Variants in PALM2AKAP2 observed in about 807,000 individuals in gnomAD.
The protein encoded by PALM2AKAP2 is PALM2-AKAP2 fusion protein.
Under a neutral mutation model 71.5 loss-of-function variants are expected in PALM2AKAP2, and 37 were observed. The observed-to-expected ratio is 0.52, with a 90% confidence interval of 0.40 to 0.68. The LOEUF (loss-of-function observed/expected upper bound fraction) is 0.68. Ranked by LOEUF, PALM2AKAP2 falls within the 30% of genes least tolerant of loss-of-function variation. The pLI is 0.00. For missense variants in PALM2AKAP2, 1,224 were observed against 1,191.8 expected, an observed-to-expected ratio of 1.03 and a Z score of -0.40; for synonymous variants, 468 against 478.8, an observed-to-expected ratio of 0.98 and a Z score of 0.29.
intron 1 of PALM2AKAP2, among the ~76,000 whole-genome samples, chr9:109,710,345 A>T (rs1306975341): frequency 2.0e-5 from 3 of 152,264 alleles, no homozygotes; most frequent in Non-Finnish European, 4.4e-5. Context: ...CCTGCCCAGC[A>T]GTCTGGTTTC....
At chr9:109,942,508 G>A (rs1377424745) in intron 6 of PALM2AKAP2, among the ~76,000 whole-genome samples, 1 of 152,176 alleles carries the variant, frequency 6.6e-6, no homozygotes, top group East Asian at 1.9e-4. Flanking sequence ...AAACTGCTGT[G>A]TTACAATACA....
At chr9:109,901,162 G>A (rs1830323256) in intron 3 of PALM2AKAP2, among the ~76,000 whole-genome samples, 2 of 152,158 alleles carry the variant, frequency 1.3e-5, no homozygotes, top group Non-Finnish European at 2.9e-5. Context: ...CTCCAGAACT[G>A]GACCTGAGTT....
At chr9:109,693,331 A>T (rs1002862238) in intron 1 of PALM2AKAP2, among the ~76,000 whole-genome samples, 1 of 151,902 alleles carries the variant, frequency 6.6e-6, no homozygotes, top group African/African-American at 2.4e-5. Context: ...TTCACTGCTA[A>T]TATTGGTAAT....
At chr9:109,797,451 A>G (rs1046064883) in intron 1 of PALM2AKAP2, among the ~76,000 whole-genome samples, 1 of 152,186 alleles carries the variant, frequency 6.6e-6, no homozygotes, top group South Asian at 2.1e-4. Flanking sequence ...AGCATCCACA[A>G]ATTTCCAGCT....
chr9:109,928,479 C>A (rs1234668350), intron 5 of PALM2AKAP2, among the ~76,000 whole-genome samples: 2 of 152,120 alleles, frequency 1.3e-5, no homozygotes, highest in African/African-American at 4.8e-5. Context: ...AAGAGGGCAG[C>A]TTATTAATTG....
intron 5 of PALM2AKAP2, 41 bp downstream of exon 5, chr9:109,925,123 C>T (rs929071454): frequency 1.9e-6 from 3 of 1,613,362 alleles, no homozygotes; most frequent in African/African-American, 2.7e-5. Flanking sequence ...ATGTTTTAAT[C>T]CTGGTCAGCT....
chr9:110,138,837 C>A (rs1588131836), intron 2 of PALM2AKAP2, among the ~76,000 whole-genome samples: 1 of 152,318 alleles, frequency 6.6e-6, no homozygotes, highest in East Asian at 1.9e-4. Context: ...TACTTGAAAG[C>A]CTGCCTCTTG....
chr9:110,050,837 A>T (rs540520405), intron 1 of PALM2AKAP2, among the ~76,000 whole-genome samples: 1 of 152,322 alleles, frequency 6.6e-6, no homozygotes, highest in East Asian at 1.9e-4. Context: ...CATGTTGGCC[A>T]GGCTGGTCTT....
At chr9:110,133,396 A>AT (rs942972812) in intron 1 of PALM2AKAP2, among the ~76,000 whole-genome samples, 15 of 149,816 alleles carry the variant, frequency 1.0e-4, no homozygotes, top group African/African-American at 1.7e-4. Flanking sequence ...CAGAGAACTC[A>AT]TTTTTTTTTT....
At position 109,867,178 on chromosome 9, in the gene PALM2AKAP2, G is replaced by C. The variant is rs1004869421; in HGVS notation, c.46-313G>C. The C allele has an allele frequency of 1.4e-4, 60 of 423,576 alleles. No homozygotes were observed. The East Asian group carries it at 3.4e-3, about 24-fold the overall frequency. 26.2% of individuals were successfully genotyped at this position (423,576 alleles called of 1,614,324 possible). ...AACATGGTTCTCTGTGTGTGTGTGTGTGTGTGTGTGTGTGTGTGTGTGTGT... is the reference window on the plus strand; with the variant it reads ...AACATGGTTCTCTGTGTGTGTGTGTCTGTGTGTGTGTGTGTGTGTGTGTGT... On this transcript the variant is annotated intron_variant, in intron 1 of 9. Transcript: ENST00000302798.
chr9:109,692,390 T>C (rs948262244), intron 1 of PALM2AKAP2, among the ~76,000 whole-genome samples: 8 of 151,986 alleles, frequency 5.3e-5, no homozygotes, highest in African/African-American at 1.9e-4. Context: ...CATGTCATCA[T>C]TGAAAAATAT....
At chr9:109,982,341 G>A (rs1832288241) in intron 6 of PALM2AKAP2, among the ~76,000 whole-genome samples, 2 of 152,124 alleles carry the variant, frequency 1.3e-5, no homozygotes, top group South Asian at 2.1e-4. Context: ...TGGTTAATAA[G>A]TACAAAAATA....
intron 6 of PALM2AKAP2, among the ~76,000 whole-genome samples, chr9:109,991,297 C>T (rs910902296): frequency 2.6e-5 from 4 of 151,332 alleles, no homozygotes; most frequent in African/African-American, 4.9e-5. Flanking sequence ...AGTGTGGTGG[C>T]GTGATCACGG....
chr9:109,896,704 G>A (rs142157545), intron 3 of PALM2AKAP2, among the ~76,000 whole-genome samples: 3,297 of 152,192 alleles, frequency 0.022, 59 homozygotes, highest in Middle Eastern at 0.034. Context: ...CCAGCTACTC[G>A]GGAGGCTGAG....
At chr9:109,642,493 G>A (rs774696317) in intron 1 of PALM2AKAP2, among the ~76,000 whole-genome samples, 6 of 145,898 alleles carry the variant, frequency 4.1e-5, no homozygotes, top group South Asian at 2.6e-4. Context: ...GGCAAAAACC[G>A]CAAATTACTG....
intron 1 of PALM2AKAP2, among the ~76,000 whole-genome samples, chr9:109,646,198 A>T (rs1246112253): frequency 6.6e-6 from 1 of 152,162 alleles, no homozygotes; most frequent in Admixed American, 6.5e-5. Context: ...GGTACATGAA[A>T]CATCAGGCAA....
chr9:109,726,128 T>C (rs1323964610), intron 1 of PALM2AKAP2, among the ~76,000 whole-genome samples: 2 of 152,248 alleles, frequency 1.3e-5, no homozygotes, highest in South Asian at 4.1e-4. Context: ...CCTTGGCTTA[T>C]GAGTCTGCCT....
chr9:110,058,078 C>T (rs1833884116), intron 1 of PALM2AKAP2, among the ~76,000 whole-genome samples: 1 of 152,314 alleles, frequency 6.6e-6, no homozygotes, highest in East Asian at 1.9e-4. Flanking sequence ...AAGAATTATC[C>T]TGCACAAAAT....
At chr9:110,019,558 A>G (rs2132358227) in intron 7 of PALM2AKAP2, among the ~76,000 whole-genome samples, 2 of 152,376 alleles carry the variant, frequency 1.3e-5, no homozygotes, top group East Asian at 3.9e-4. Flanking sequence ...AGTGTTCATC[A>G]GCGGTAGACT....
Sources: allele counts gnomAD v4.1 joint callset (sites outside exome capture counted in the v4.1 genomes callset), GRCh38; gene constraint gnomAD v4.1.1; transcripts MANE v1.5; gene names NCBI Gene and HGNC (gene_info 2026-07-23, HGNC 2026-07-21).